The following PPM1G variants were observed in gnomAD, a reference collection of about 807,000 sequenced individuals.
PPM1G encodes the protein protein phosphatase, Mg2+/Mn2+ dependent 1G.
A neutral mutation model predicts 59.4 loss-of-function variants in PPM1G; 12 were observed. The observed-to-expected ratio is 0.20, with a 90% CI of 0.13 to 0.33. PPM1G has a LOEUF of 0.33. Ranked by LOEUF, PPM1G falls within the 10% of genes least tolerant of loss-of-function variation. The pLI, the probability that PPM1G is intolerant of heterozygous loss-of-function variation, is 1.00. For synonymous variants in PPM1G, 245 were observed against 251.9 expected (o/e 0.97, Z 0.26); for missense variants, 392 against 681.3 (o/e 0.58, Z 4.73).
intron 1 of PPM1G, among the ~76,000 whole-genome samples, chr2:27,388,268 G>C (rs886581415): frequency 1.3e-5 from 2 of 151,594 alleles, no homozygotes; most frequent in Admixed American, 6.6e-5. Flanking sequence ...AATTAGCCAG[G>C]CGTGGTGGTG....
In PPM1G at chr2:27,384,639, A is replaced by G; in HGVS notation, c.825+34T>C. ...GGCAACCAAACAGGACCTCTCTGCA[A>G]CTTCAGCATCTGCCTGCCCTCACAG... On this transcript the variant is annotated intron_variant, in intron 5 of 9. Transcript: ENST00000344034. This position sits in a 1 kb window ranked among gnomAD's most constrained non-coding sequence, Gnocchi z 4.8. 1 of 1,563,234 alleles carries G rather than the reference A, an allele frequency of 6.4e-7. No homozygotes were observed. Among genetic ancestry groups the G allele is most frequent in the African/African-American group, 1.4e-5 (1 of 73,410 alleles).
intron 1 of PPM1G, among the ~76,000 whole-genome samples, chr2:27,392,295 T>G (rs12478747): frequency 1.9e-4 from 10 of 52,780 alleles, no homozygotes; most frequent in African/African-American, 4.4e-4. Flanking sequence ...TGTTTTTTTT[T>G]TTTTTTTTTT....
At chr2:27,389,830 C>T (rs540526697) in intron 1 of PPM1G, among the ~76,000 whole-genome samples, 2 of 152,146 alleles carry the variant, frequency 1.3e-5, no homozygotes, top group East Asian at 1.9e-4. Flanking sequence ...CCAGGCATAG[C>T]AGCATGCACC....
intron 1 of PPM1G, among the ~76,000 whole-genome samples, chr2:27,400,119 G>A (rs980321914): frequency 1.2e-4 from 18 of 152,212 alleles, no homozygotes; most frequent in East Asian, 3.9e-4. Flanking sequence ...ACGCTTGGCC[G>A]GGCGTGGTGG....
chr2:27,383,478 G>A lies in PPM1G; in HGVS notation c.1089C>T (p.Ser363=). Reference sequence around the variant, plus strand: ...CTTCATCCTCTGGTTTGTGATCATAGGACATGTCTAAAGCTTTGCCAGCCT... The same window carrying A: ...CTTCATCCTCTGGTTTGTGATCATAAGACATGTCTAAAGCTTTGCCAGCCT... The part of the protein sequence containing the change: ...VSEAGKALDM[S]YDHKPEDEVE... The change falls in exon 7 of 10, where the codon TCC becomes TCT. Residue 363 remains serine (S), a synonymous_variant. Transcript: ENST00000344034. The surrounding 1 kb of genome is among the most constrained non-coding windows in gnomAD (Gnocchi z 5.0). 6.2e-7 allele frequency: 1 copy of A among 1,614,150 alleles called. No homozygotes were observed. Among genetic ancestry groups the A allele is most frequent in the Non-Finnish European group, 8.5e-7 (1 of 1,180,030 alleles).
At chr2:27,388,469 T>C (rs1683820873) in intron 1 of PPM1G, among the ~76,000 whole-genome samples, 1 of 152,018 alleles carries the variant, frequency 6.6e-6, no homozygotes, top group Non-Finnish European at 1.5e-5. Context: ...CAGGAATAGA[T>C]TACAAATGGT....
At chr2:27,407,631 A>C (rs550480845) in intron 1 of PPM1G, among the ~76,000 whole-genome samples, 5 of 152,308 alleles carry the variant, frequency 3.3e-5, no homozygotes, top group African/African-American at 1.2e-4. Context: ...GTGAAATATG[A>C]ATGCTATGCT....
At chr2:27,403,997 T>C (rs1485452120) in intron 1 of PPM1G, among the ~76,000 whole-genome samples, 4 of 152,190 alleles carry the variant, frequency 2.6e-5, no homozygotes, top group Non-Finnish European at 5.9e-5. Context: ...TTTTTCAACC[T>C]TCAATGCCCT....
At position 27,381,578 on chromosome 2, in the gene PPM1G, G is replaced by A. The variant is rs1396939712; in HGVS notation, c.*21C>T. The A allele has an allele frequency of 6.2e-7, 1 of 1,613,760 alleles. No individual in the cohort carries two copies. Among genetic ancestry groups the A allele is most frequent in the Non-Finnish European group, 8.5e-7 (1 of 1,179,814 alleles). On this transcript the variant is annotated 3_prime_UTR_variant, in exon 10 of 10. Transcript: ENST00000344034. Reference sequence around the variant, plus strand: ...GGAGGGCTCAGAAAACAGTCTAGGTGGGCAGGGGTCTGGATGACTGCTAGT... The same window carrying A: ...GGAGGGCTCAGAAAACAGTCTAGGTAGGCAGGGGTCTGGATGACTGCTAGT...
Position 27,381,449 on chromosome 2 carries a change from G to A in PPM1G, c.*150C>T. 1 of 800,992 alleles carries A rather than the reference G, an allele frequency of 1.2e-6. No individual in the cohort carries two copies. The highest frequency in any genetic ancestry group is 2.0e-6 in the Non-Finnish European group (1 of 492,318). 49.6% of individuals were successfully genotyped at this position (800,992 alleles called of 1,614,324 possible). ...GGCTCCCGGCTGCAGTGTGGAGGGA[G>A]AGCCCTCTTTGGAATGGGCGGAGTG... On this transcript the variant is annotated 3_prime_UTR_variant, in exon 10 of 10. Coordinates refer to ENST00000344034, the MANE Select transcript of PPM1G (RefSeq NM_177983.3).
At chr2:27,396,542 T>C (rs1043790992) in intron 1 of PPM1G, among the ~76,000 whole-genome samples, 2 of 151,190 alleles carry the variant, frequency 1.3e-5, no homozygotes, top group African/African-American at 2.4e-5. Context: ...AGGCCGGGCG[T>C]GGTGGCTCAT....
intron 1 of PPM1G, among the ~76,000 whole-genome samples, chr2:27,394,741 TAAAAAA>T (rs397868730): frequency 1.7e-4 from 18 of 107,912 alleles, no homozygotes; most frequent in African/African-American, 5.4e-4. Flanking sequence ...GACTCTGTCT[TAAAAAA>T]AAAAAAAAAA....
In PPM1G at chr2:27,383,725, A is replaced by C; in HGVS notation, c.967-125T>G. The C allele has an allele frequency of 8.6e-7, 1 of 1,156,126 alleles. No individual in the cohort carries two copies. Among genetic ancestry groups the C allele is most frequent in the Non-Finnish European group, 1.2e-6 (1 of 823,768 alleles). The allele number at this position is 1,156,126 out of a possible 1,614,324, so 71.6% of individuals were successfully genotyped here. ...CCAAAAGAGCTTTAACAAACAGGAG[A>C]AGCACACATTTCATCTTTCTAGAGA... On this transcript the variant is annotated intron_variant, in intron 6 of 9. Coordinates refer to ENST00000344034, the MANE Select transcript of PPM1G (RefSeq NM_177983.3). This position sits in a 1 kb window ranked among gnomAD's most constrained non-coding sequence, Gnocchi z 5.0.
Position 27,384,853 on chromosome 2 carries a change from G to A in PPM1G, c.645C>T (p.Ser215=). ...CCTCAGTCCCACGTTCCGAGTTGGA[G>A]GAAAAGCCTGTGTAGGCCTTGGCTG... ...GPTAKAYTGF[S]SNSERGTEAG... Residue 215 remains serine, a synonymous_variant, in exon 5 of 10, where the codon TCC becomes TCT. Transcript: ENST00000344034. This position sits in a 1 kb window ranked among gnomAD's most constrained non-coding sequence, Gnocchi z 4.8. The A allele has an allele frequency of 1.2e-6, 2 of 1,614,218 alleles. No homozygotes were observed. Among genetic ancestry groups the A allele is most frequent in the Non-Finnish European group, 1.7e-6 (2 of 1,180,042 alleles).
intron 1 of PPM1G, among the ~76,000 whole-genome samples, chr2:27,395,840 C>CA (rs1048753961): frequency 0.12 from 6,764 of 56,750 alleles, 223 homozygotes; most frequent in Non-Finnish European, 0.14. Flanking sequence ...AAGACCGTCT[C>CA]AAAAAAAAAA....
intron 1 of PPM1G, among the ~76,000 whole-genome samples, chr2:27,395,243 AAAAAAAAG>A: frequency 6.7e-6 from 1 of 149,006 alleles, no homozygotes; most frequent in East Asian, 1.9e-4. Flanking sequence ...CAAAAAAAAA[AAAAAAAAG>A]AAAGAAAGAA....
chr2:27,397,357 C>T (rs1253732825), intron 1 of PPM1G, among the ~76,000 whole-genome samples: 1 of 152,118 alleles, frequency 6.6e-6, no homozygotes, highest in Admixed American at 6.6e-5. Context: ...CCAGCATTAC[C>T]CTGATTCTAA....
At chr2:27,394,182 CCA>C (rs1683988636) in intron 1 of PPM1G, among the ~76,000 whole-genome samples, 2 of 152,194 alleles carry the variant, frequency 1.3e-5, no homozygotes, top group African/African-American at 4.8e-5. Flanking sequence ...CAGGTGTGAG[CCA>C]CCGCACCCAC....
Position 27,384,224 on chromosome 2 carries a change from T to C in PPM1G, c.826-132A>G. 1 of 1,450,760 alleles carries C rather than the reference T, an allele frequency of 6.9e-7. No individual in the cohort carries two copies. Among genetic ancestry groups the C allele is most frequent in the Non-Finnish European group, 9.3e-7 (1 of 1,079,308 alleles). The allele number at this position is 1,450,760 out of a possible 1,614,324, so 89.9% of individuals were successfully genotyped here. ...ACTGAAAGATACAAGTATATGGTCATGAAAATTGGGGGGATGGAAAGGGCT... is the reference window on the plus strand; with the variant it reads ...ACTGAAAGATACAAGTATATGGTCACGAAAATTGGGGGGATGGAAAGGGCT... On this transcript the variant is annotated intron_variant, in intron 5 of 9. Coordinates refer to ENST00000344034, the MANE Select transcript of PPM1G (RefSeq NM_177983.3). The surrounding 1 kb of genome is among the most constrained non-coding windows in gnomAD (Gnocchi z 4.8).
Sources: gnomAD v4.1 joint callset for allele counts (sites outside exome capture counted in the v4.1 genomes callset) on GRCh38, gnomAD v4.1.1 for gene constraint, Gnocchi (gnomAD v3.1) non-coding constraint, MANE v1.5 for transcripts, NCBI Gene and HGNC (gene_info 2026-07-23, HGNC 2026-07-21) for gene names.